The following KIF21A variants were observed in gnomAD, a reference collection of about 807,000 sequenced individuals.
KIF21A encodes the protein kinesin-like protein KIF21A.
KIF21A carries 114 observed loss-of-function variants against 202.9 expected under a neutral mutation model. The ratio of observed to expected loss-of-function variants is 0.56; its 90% CI spans 0.48 to 0.66. The LOEUF (loss-of-function observed/expected upper bound fraction) is 0.66. KIF21A is among the 30% of genes least tolerant of loss of function. The pLI, the probability that KIF21A is intolerant of heterozygous loss-of-function variation, is 0.00. For missense variants in KIF21A, 1,677 were observed against 1,994.9 expected (o/e 0.84, Z 3.04); for synonymous variants, 667 against 670.8 (o/e 0.99, Z 0.09).
intron 37 of KIF21A, among the ~76,000 whole-genome samples, chr12:39,300,070 T>TA (rs1942822646): frequency 6.6e-6 from 1 of 152,020 alleles, no homozygotes; most frequent in Admixed American, 6.6e-5. Context: ...TTTACCCATA[T>TA]AAAAAACCAG....
chr12:39,297,176 G>A lies in KIF21A; in HGVS notation c.4932-2659C>T, dbSNP rs541352653. Among the ~76,000 whole-genome samples the A allele has an allele frequency of 3.3e-5, 5 of 152,348 alleles. No homozygotes were observed. The South Asian group carries it at 1.0e-3, about 32-fold the overall frequency. On this transcript the variant is annotated intron_variant, in intron 37 of 37. Coordinates refer to ENST00000361418, the MANE Select transcript of KIF21A (RefSeq NM_001173464.2). ...GTCAAGGAAGCTATCAACTGTGATG[G>A]AGAAGGTTGTAGAATGAGCAGGTTT... is the stretch of plus-strand genomic sequence containing the variant.
chr12:39,320,659 G>T (rs189738404), intron 27 of KIF21A, among the ~76,000 whole-genome samples: 2 of 151,002 alleles, frequency 1.3e-5, no homozygotes, highest in East Asian at 1.9e-4. Context: ...TCTGGGCCAG[G>T]CATGGTGGCT....
intron 1 of KIF21A, among the ~76,000 whole-genome samples, chr12:39,393,863 A>T (rs1473392422): frequency 6.6e-6 from 1 of 152,200 alleles, no homozygotes; most frequent in Non-Finnish European, 1.5e-5. Flanking sequence ...ATTTCATGTA[A>T]TGTCATTTAA....
At chr12:39,396,591 C>T (rs1486311719) in intron 1 of KIF21A, among the ~76,000 whole-genome samples, 1 of 152,036 alleles carries the variant, frequency 6.6e-6, no homozygotes, top group Non-Finnish European at 1.5e-5. Context: ...TATACTTGCG[C>T]ACTAAATTAT....
chr12:39,352,049 G>T, intron 10 of KIF21A, 69 bp from the exon 11 acceptor site: 1 of 1,081,058 alleles, frequency 9.3e-7, no homozygotes, highest in Non-Finnish European at 1.4e-6. Context: ...AACATAAAGT[G>T]TACCACACTA....
chr12:39,382,634 C>T (rs1035672831), intron 1 of KIF21A, among the ~76,000 whole-genome samples: 2 of 152,040 alleles, frequency 1.3e-5, no homozygotes, highest in Admixed American at 6.6e-5. Flanking sequence ...ATTTGCTATA[C>T]GAAACAACTC....
rs755827708 is a variant in KIF21A, at chr12:39,366,485, T to C, written c.768A>G (p.Glu256=). The change falls in exon 6 of 38, where the codon GAA becomes GAG. Residue 256 remains glutamate, a synonymous_variant. Coordinates refer to ENST00000361418, the MANE Select transcript of KIF21A (RefSeq NM_001173464.2). ...DNATDNKIIS[E]SAQMNEFETL... ...TTTCAAATTCATTCATCTGTGCTGA[T>C]TCAGAAATAATTTTATTATCAGTTG... The C allele has an allele frequency of 6.2e-7, 1 of 1,612,070 alleles. No homozygotes were observed. Among genetic ancestry groups the C allele is most frequent in the African/African-American group, 1.3e-5 (1 of 74,894 alleles).
At chr12:39,439,358 T>A (rs531708630) in intron 1 of KIF21A, among the ~76,000 whole-genome samples, 1 of 152,194 alleles carries the variant, frequency 6.6e-6, no homozygotes, top group Non-Finnish European at 1.5e-5. Flanking sequence ...GTAAGCAAAG[T>A]ATTATCATTT....
At chr12:39,312,880 A>T (rs1457750660) in intron 31 of KIF21A, 5 of 151,976 alleles carry the variant, frequency 3.3e-5, no homozygotes, top group Non-Finnish European at 5.9e-5. Flanking sequence ...AAGACATGAC[A>T]AACAGTCAAA....
chr12:39,397,838 G>T (rs1039962141), intron 1 of KIF21A, among the ~76,000 whole-genome samples: 2 of 152,174 alleles, frequency 1.3e-5, no homozygotes, highest in Admixed American at 6.5e-5. Context: ...ATAATCTAAT[G>T]ACAGGCACTA....
intron 1 of KIF21A, among the ~76,000 whole-genome samples, chr12:39,379,777 A>AG (rs1208278929): frequency 1.3e-5 from 2 of 152,164 alleles, no homozygotes; most frequent in Non-Finnish European, 2.9e-5. Context: ...TTCTTATACC[A>AG]TAGCCAGTGG....
chr12:39,359,796 T>C (rs1190540144), intron 7 of KIF21A, among the ~76,000 whole-genome samples: 2 of 152,230 alleles, frequency 1.3e-5, no homozygotes, highest in African/African-American at 4.8e-5. Context: ...CATACATCCA[T>C]TTCTTACTTA....
intron 1 of KIF21A, among the ~76,000 whole-genome samples, chr12:39,390,172 G>A (rs1035669446): frequency 6.6e-5 from 10 of 152,042 alleles, no homozygotes; most frequent in Admixed American, 5.2e-4. Flanking sequence ...GTAAGACTAT[G>A]GAAACTATTC....
rs747660559 is a variant in KIF21A, at chr12:39,318,183, T to A, written c.3798A>T (p.Ser1266=). The change falls in exon 29 of 38, where the codon TCA becomes TCT. Residue 1266 remains serine (S), a synonymous_variant. Transcript: ENST00000361418. The part of the protein sequence containing the change: ...KEQKHSDSGT[S]EASLSPPSSP... The stretch of plus-strand genomic sequence containing the variant: ...AAGAAGGAGGTGAAAGACTAGCCTC[T>A]GAAGTTCCAGAATCTGAGCTACAAG... 1 of 1,613,490 alleles carries A rather than the reference T, an allele frequency of 6.2e-7. No individual in the cohort carries two copies. Among genetic ancestry groups the A allele is most frequent in the South Asian group, 1.1e-5 (1 of 91,066 alleles).
At chr12:39,355,409 G>A (rs1055184143) in intron 10 of KIF21A, among the ~76,000 whole-genome samples, 1 of 151,980 alleles carries the variant, frequency 6.6e-6, no homozygotes, top group Non-Finnish European at 1.5e-5. Context: ...ACTCATATAG[G>A]CAATTGGCCT....
intron 7 of KIF21A, 135 bp downstream of exon 7, chr12:39,362,963 C>A: frequency 1.6e-6 from 1 of 617,548 alleles, no homozygotes; most frequent in Non-Finnish European, 2.9e-6. Flanking sequence ...ATTTGAGATC[C>A]TTAACAGTAT....
chr12:39,381,563 G>GA (rs1300189188), intron 1 of KIF21A, among the ~76,000 whole-genome samples: 10 of 151,598 alleles, frequency 6.6e-5, no homozygotes, highest in Non-Finnish European at 1.0e-4. Flanking sequence ...TACCATCAAG[G>GA]AAAAAAAACT....
chr12:39,364,354 C>T (rs887079339), intron 6 of KIF21A, among the ~76,000 whole-genome samples: 3 of 151,990 alleles, frequency 2.0e-5, no homozygotes. Flanking sequence ...GCTTCAAGAG[C>T]CTAAAGAGGA....
intron 12 of KIF21A, among the ~76,000 whole-genome samples, chr12:39,342,985 C>A (rs1592245147): frequency 6.6e-6 from 1 of 152,148 alleles, no homozygotes; most frequent in Non-Finnish European, 1.5e-5. Flanking sequence ...CAACTATGCA[C>A]AGAAATTACA....
Sources: gnomAD v4.1 joint callset for allele counts (sites outside exome capture counted in the v4.1 genomes callset) on GRCh38, gnomAD v4.1.1 for gene constraint, MANE v1.5 for transcripts, NCBI Gene and HGNC (gene_info 2026-07-23, HGNC 2026-07-21) for gene names.